P2RY10: variants seen among roughly 807,000 people sequenced by gnomAD.
The protein encoded by P2RY10 is P2Y receptor family member 10.
A neutral mutation model predicts 12.1 loss-of-function variants in P2RY10; 4 were observed. That is an observed-to-expected ratio of 0.33 (90% confidence interval 0.16 to 0.76). The LOEUF (loss-of-function observed/expected upper bound fraction) is 0.76, where lower values mean the gene tolerates loss of function less well. Among genes scored for constraint, P2RY10 ranks in the 30% least tolerant of loss-of-function variants. The pLI, the probability that P2RY10 is intolerant of heterozygous loss-of-function variation, is 0.61. For missense variants in P2RY10, 233 were observed against 264.6 expected (o/e 0.88, Z 0.83); for synonymous variants, 112 against 94.1 (o/e 1.19, Z -1.10).
chrX:78,959,733 C>T (rs1922514080), intron 3 of P2RY10, among the ~76,000 whole-genome samples: 1 of 111,637 alleles, frequency 9.0e-6, no homozygotes, highest in South Asian at 3.7e-4. Context: ...GGATAATATG[C>T]CATGTGAATG....
At chrX:78,946,856 C>A (rs1480023072) in intron 1 of P2RY10, among the ~76,000 whole-genome samples, 1 of 111,956 alleles carries the variant, frequency 8.9e-6, no homozygotes, top group Non-Finnish European at 1.9e-5. Flanking sequence ...AATCTGAAGA[C>A]ATCAAATGAA....
Position 78,963,015 on chromosome X carries a change from A to G in P2RY10, c.*1475A>G, listed in dbSNP as rs756033642. Among the ~76,000 whole-genome samples the G allele has an allele frequency of 8.9e-6, 1 of 112,312 alleles. No individual in the cohort carries two copies. The highest frequency in any genetic ancestry group is 3.7e-4 in the South Asian group (1 of 2,722). ...GTGTCCTCTTTCTGACAATCTTTTT[A>G]TCTTATTTTTTTCAAACGTTGTGGT... is the stretch of plus-strand genomic sequence containing the variant. On this transcript the variant is annotated 3_prime_UTR_variant, in exon 4 of 4. Transcript: ENST00000171757.
intron 3 of P2RY10, among the ~76,000 whole-genome samples, chrX:78,957,249 C>T (rs1458910257): frequency 9.2e-6 from 1 of 108,126 alleles, no homozygotes; most frequent in African/African-American, 3.4e-5. Flanking sequence ...GAGACAGGAA[C>T]CAAGAATATG....
In P2RY10 at chrX:78,961,223, A is replaced by T. The variant is rs762374049; in HGVS notation, c.703A>T (p.Ile235Phe). 5.8e-6 allele frequency: 7 copies of T among 1,208,520 alleles called. No homozygotes were observed. In the African/African-American group the frequency reaches 1.0e-4, roughly 18 times the overall value. Residue 235 changes from isoleucine (I) to phenylalanine (F), a missense_variant, in exon 4 of 4, where the codon ATC (isoleucine) becomes TTC (phenylalanine). Physicochemically the swap from Ile to Phe is conservative, Grantham distance 21. Coordinates refer to ENST00000171757, the MANE Select transcript of P2RY10 (RefSeq NM_014499.4). ...LRQPPMAFQG[I>F]SERQKALRMV... ...ACAGCCACCAATGGCTTTCCAAGGG[A>T]TCAGTGAGAGGCAGAAAGCACTGCG...
intron 3 of P2RY10, among the ~76,000 whole-genome samples, chrX:78,956,352 C>A (rs1030280642): frequency 9.0e-6 from 1 of 111,479 alleles, no homozygotes; most frequent in Non-Finnish European, 1.9e-5. Flanking sequence ...GGGAAATAGT[C>A]GGCATCAGAA....
intron 1 of P2RY10, among the ~76,000 whole-genome samples, chrX:78,947,389 G>T (rs1248440664): frequency 8.9e-6 from 1 of 111,744 alleles, no homozygotes; most frequent in Non-Finnish European, 1.9e-5. Context: ...TGGCAAAAAG[G>T]TTTATTTATT....
At chrX:78,951,802 T>G (rs1466558889) in intron 2 of P2RY10, among the ~76,000 whole-genome samples, 1 of 111,830 alleles carries the variant, frequency 8.9e-6, no homozygotes, top group Non-Finnish European at 1.9e-5. Context: ...GTGCAGGATG[T>G]GCAGGGTTGT....
At chrX:78,953,966 G>A (rs919487172) in intron 3 of P2RY10, among the ~76,000 whole-genome samples, 5 of 112,188 alleles carry the variant, frequency 4.5e-5, no homozygotes, top group African/African-American at 1.6e-4. Context: ...CCCGGCTCAA[G>A]CGATCCTCCC....
intron 3 of P2RY10, among the ~76,000 whole-genome samples, chrX:78,953,408 T>C (rs1922194481): frequency 8.9e-6 from 1 of 112,013 alleles, no homozygotes. Flanking sequence ...TAGGAATTGA[T>C]GAGGGTTGGC....
intron 1 of P2RY10, among the ~76,000 whole-genome samples, chrX:78,946,415 A>G (rs1235827450): frequency 8.9e-6 from 1 of 111,850 alleles, no homozygotes; most frequent in East Asian, 2.8e-4. Flanking sequence ...AATCAAAAGG[A>G]GACTTTCAGC....
intron 3 of P2RY10, among the ~76,000 whole-genome samples, chrX:78,957,387 C>CACAGAGAG (rs760263078): frequency 5.3e-5 from 4 of 75,811 alleles, no homozygotes; most frequent in Non-Finnish European, 1.1e-4. Context: ...CACACACACA[C>CACAGAGAG]AGAGAGAGAG....
At chrX:78,956,583 A>T (rs1441067112) in intron 3 of P2RY10, among the ~76,000 whole-genome samples, 7 of 103,604 alleles carry the variant, frequency 6.8e-5, no homozygotes, top group East Asian at 3.0e-4. Flanking sequence ...CAAACAAATT[A>T]AAAAAAAAAA....
rs373219946 is a variant in P2RY10 at position 78,946,583 on chromosome X, T to C, written c.-206+1088T>C. 1.2e-3 allele frequency among the ~76,000 whole-genome samples: 135 copies of C among 112,306 alleles called. 1 individual carries two copies. Among genetic ancestry groups the C allele is most frequent in the African/African-American group, 4.1e-3 (128 of 30,882 alleles). ...TTTATTTCAGTTGTTCAAATGGATG[T>C]GTGGAGTCATTATGATGTATATTAA... On this transcript the variant is annotated intron_variant, in intron 1 of 3. Transcript: ENST00000171757.
At chrX:78,951,108 G>A (rs2858569) in intron 2 of P2RY10, among the ~76,000 whole-genome samples, 1 of 111,522 alleles carries the variant, frequency 9.0e-6, no homozygotes, top group Non-Finnish European at 1.9e-5. Context: ...CTAGTTGGTT[G>A]GGAAGAGCAG....
intron 3 of P2RY10, among the ~76,000 whole-genome samples, chrX:78,959,632 C>CA (rs1922510099): frequency 9.0e-6 from 1 of 111,627 alleles, no homozygotes; most frequent in Non-Finnish European, 1.9e-5. Flanking sequence ...AAACTGTCTT[C>CA]AAAAATGGTT....
At chrX:78,945,900 G>A (rs765566701) in intron 1 of P2RY10, among the ~76,000 whole-genome samples, 6 of 112,154 alleles carry the variant, frequency 5.3e-5, no homozygotes, top group South Asian at 3.7e-4. Flanking sequence ...TAGCTGCATC[G>A]TGAAGGAAGA....
chrX:78,954,888 G>T (rs1922264618), intron 3 of P2RY10, among the ~76,000 whole-genome samples: 1 of 111,479 alleles, frequency 9.0e-6, no homozygotes, highest in South Asian at 3.8e-4. Context: ...CCTTTGAAAG[G>T]TCACTAGGAT....
chrX:78,959,160 C>G (rs975799939), intron 3 of P2RY10, among the ~76,000 whole-genome samples: 19 of 111,607 alleles, frequency 1.7e-4, no homozygotes, highest in African/African-American at 5.5e-4. Context: ...GCAATATGCA[C>G]AGAAGGTATG....
intron 3 of P2RY10, among the ~76,000 whole-genome samples, chrX:78,957,357 G>GACACAC (rs765759888): frequency 0.012 from 699 of 57,868 alleles, 9 homozygotes; most frequent in East Asian, 0.031. Flanking sequence ...GGAAGAGAAA[G>GACACAC]ACACACACAC....
Sources: gnomAD v4.1 joint callset for allele counts (sites outside exome capture counted in the v4.1 genomes callset) on GRCh38, gnomAD v4.1.1 for gene constraint, MANE v1.5 for transcripts, NCBI Gene and HGNC (gene_info 2026-07-23, HGNC 2026-07-21) for gene names.